CCDC30: variants seen among roughly 807,000 people sequenced by gnomAD.
The protein encoded by CCDC30 is coiled-coil domain containing 30.
A neutral mutation model predicts 100.2 loss-of-function variants in CCDC30; 70 were observed. That is an observed-to-expected ratio of 0.70 (90% CI 0.58 to 0.85). The LOEUF (loss-of-function observed/expected upper bound fraction) is 0.85, where lower values mean the gene tolerates loss of function less well. Ranked by LOEUF, CCDC30 falls within the 40% of genes least tolerant of loss-of-function variation. CCDC30 has a pLI of 0.00. For missense variants in CCDC30, 652 were observed against 771.2 expected, an observed-to-expected ratio of 0.85 and a Z score of 1.83; for synonymous variants, 233 against 269.5, an observed-to-expected ratio of 0.86 and a Z score of 1.33.
intron 3 of CCDC30, among the ~76,000 whole-genome samples, chr1:42,489,036 A>G (rs1442190809): frequency 2.0e-5 from 3 of 152,008 alleles, no homozygotes; most frequent in Non-Finnish European, 4.4e-5. Context: ...CCTACCTCCT[A>G]TATTACTCGT....
At chr1:42,653,672 T>C (rs1648539661) in intron 16 of CCDC30, 146 bp from the exon 21 acceptor site, 2 of 659,222 alleles carry the variant, frequency 3.0e-6, no homozygotes, top group Non-Finnish European at 5.3e-6. Context: ...AAATAAAATA[T>C]GAACATAGGT....
intron 1 of CCDC30, among the ~76,000 whole-genome samples, chr1:42,466,611 T>G (rs1191799112): frequency 5.9e-5 from 9 of 151,690 alleles, no homozygotes; most frequent in African/African-American, 2.2e-4. Flanking sequence ...GAGTGCAGTG[T>G]TGAGATCTCG....
chr1:42,545,019 A>G (rs957231987), intron 6 of CCDC30, among the ~76,000 whole-genome samples: 3 of 151,876 alleles, frequency 2.0e-5, no homozygotes, highest in Non-Finnish European at 4.4e-5. Flanking sequence ...TTATGAATCA[A>G]TGAAGTACAT....
chr1:42,491,750 C>T (rs938330750), intron 4 of CCDC30: 2 of 265,784 alleles, frequency 7.5e-6, no homozygotes, highest in Non-Finnish European at 1.5e-5. Context: ...TGGCTGTTGG[C>T]AAGAACAAGC....
intron 6 of CCDC30, among the ~76,000 whole-genome samples, chr1:42,547,542 A>T (rs1283416675): frequency 6.6e-6 from 1 of 152,154 alleles, no homozygotes; most frequent in East Asian, 1.9e-4. Context: ...GCTTTAATTC[A>T]TCTAGGGGTG....
At chr1:42,510,078 G>A (rs1007780353) in intron 6 of CCDC30, 9 of 985,298 alleles carry the variant, frequency 9.1e-6, no homozygotes, top group Admixed American at 1.2e-4. Flanking sequence ...AATTGGAGGA[G>A]CTGACAATGT....
At chr1:42,494,132 C>A (rs1332822487) in intron 4 of CCDC30, among the ~76,000 whole-genome samples, 1 of 152,210 alleles carries the variant, frequency 6.6e-6, no homozygotes, top group African/African-American at 2.4e-5. Flanking sequence ...GTAACCAAAA[C>A]AGCATGGTAC....
chr1:42,469,481 A>T (rs1279773851), intron 1 of CCDC30, among the ~76,000 whole-genome samples: 1 of 152,236 alleles, frequency 6.6e-6, no homozygotes, highest in Admixed American at 6.5e-5. Context: ...AAAACAGGAC[A>T]GTAGCTAGAG....
At chr1:42,492,039 G>T in intron 4 of CCDC30, 1 of 497,882 alleles carries the variant, frequency 2.0e-6, no homozygotes, top group East Asian at 3.5e-5. Context: ...TCCAGGGCAT[G>T]GATTTACCCC....
At chr1:42,646,586 C>G (rs1437551548) in intron 15 of CCDC30, among the ~76,000 whole-genome samples, 3 of 152,152 alleles carry the variant, frequency 2.0e-5, no homozygotes, top group Non-Finnish European at 4.4e-5. Flanking sequence ...AGAGGTGGGA[C>G]TCTGCTCTGT....
intron 7 of CCDC30, 82 bp from the exon 12 acceptor site, chr1:42,576,938 A>C: frequency 9.8e-7 from 1 of 1,021,286 alleles, no homozygotes; most frequent in Non-Finnish European, 1.5e-6. Context: ...TTAGGGGACT[A>C]TACTCCTTTG....
intron 6 of CCDC30, among the ~76,000 whole-genome samples, chr1:42,500,500 G>A (rs138438041): frequency 0.026 from 3,914 of 151,446 alleles, 182 homozygotes; most frequent in African/African-American, 0.09. Flanking sequence ...TGTAAGCTCC[G>A]CCTCCCGGGT....
downstream of CCDC30, among the ~76,000 whole-genome samples, chr1:42,655,696 T>C (rs1648634216): frequency 6.6e-6 from 1 of 152,026 alleles, no homozygotes; most frequent in Admixed American, 6.6e-5. Context: ...ACAAAGTAGG[T>C]GAACAGTCTC....
intron 9 of CCDC30, among the ~76,000 whole-genome samples, chr1:42,582,543 T>C (rs542134519): frequency 6.6e-6 from 1 of 152,326 alleles, no homozygotes; most frequent in South Asian, 2.1e-4. Context: ...AGCATTGTCA[T>C]GGTAGAGAAG....
intron 10 of CCDC30, among the ~76,000 whole-genome samples, chr1:42,603,100 AAAC>A (rs1212786184): frequency 6.6e-6 from 1 of 152,222 alleles, no homozygotes; most frequent in Non-Finnish European, 1.5e-5. Flanking sequence ...GGTAATTTAT[AAAC>A]AACAGAAATT....
intron 7 of CCDC30, among the ~76,000 whole-genome samples, chr1:42,575,415 C>T (rs191935351): frequency 4.0e-4 from 60 of 151,828 alleles, no homozygotes; most frequent in Admixed American, 1.2e-3. Flanking sequence ...TTTGGGAGGC[C>T]GAGGCGGGCA....
At chr1:42,648,405 T>C (rs574025030) in intron 15 of CCDC30, among the ~76,000 whole-genome samples, 1 of 152,230 alleles carries the variant, frequency 6.6e-6, no homozygotes, top group East Asian at 1.9e-4. Flanking sequence ...GCGCAGTGGC[T>C]CACACCTATA....
intron 6 of CCDC30, among the ~76,000 whole-genome samples, chr1:42,511,886 T>A (rs1644483945): frequency 1.3e-5 from 2 of 151,932 alleles, no homozygotes. Flanking sequence ...GCTAGAGGAA[T>A]TAAAGACACA....
At chr1:42,637,939 G>A (rs1485766439) in intron 12 of CCDC30, among the ~76,000 whole-genome samples, 1 of 152,142 alleles carries the variant, frequency 6.6e-6, no homozygotes, top group Non-Finnish European at 1.5e-5. Flanking sequence ...TAACTGACTA[G>A]GCCAGTAAGG....
Sources: gnomAD v4.1 joint callset for allele counts (sites outside exome capture counted in the v4.1 genomes callset) on GRCh38, gnomAD v4.1.1 for gene constraint, MANE v1.5 for transcripts, NCBI Gene and HGNC (gene_info 2026-07-23, HGNC 2026-07-21) for gene names.